Variants in PARN observed in about 807,000 individuals in gnomAD.
PARN encodes the protein poly(A)-specific ribonuclease.
Under a neutral mutation model 102.8 loss-of-function variants are expected in PARN, and 71 were observed. That is an observed-to-expected ratio of 0.69 (90% CI 0.57 to 0.84). The LOEUF (loss-of-function observed/expected upper bound fraction) is 0.84. Ranked by LOEUF, PARN falls within the 40% of genes least tolerant of loss-of-function variation. The pLI, the probability that PARN is intolerant of heterozygous loss-of-function variation, is 0.00. For missense variants in PARN, 782 were observed against 760.9 expected (o/e 1.03, Z -0.33); for synonymous variants, 261 against 252.9 (o/e 1.03, Z -0.30).
At chr16:14,619,842 C>T (rs1233044462) in intron 5 of PARN, among the ~76,000 whole-genome samples, 5 of 151,914 alleles carry the variant, frequency 3.3e-5, no homozygotes, top group Admixed American at 2.6e-4. Flanking sequence ...GAGGCTGAGG[C>T]AGGCGGATCA....
chr16:14,484,304 G>A (rs1487637364), intron 21 of PARN, among the ~76,000 whole-genome samples: 1 of 152,208 alleles, frequency 6.6e-6, no homozygotes, highest in African/African-American at 2.4e-5. Context: ...CGGCATGGGA[G>A]TGAGGATCAA....
At chr16:14,458,121 T>C (rs1025807968) in intron 22 of PARN, among the ~76,000 whole-genome samples, 3 of 152,094 alleles carry the variant, frequency 2.0e-5, no homozygotes, top group Non-Finnish European at 4.4e-5. Flanking sequence ...TTTCAAACAA[T>C]CCCCTATTGT....
rs1450451301 is a variant in PARN, at chr16:14,630,039, G to A, written c.19+68C>T. 6 of 1,406,686 alleles carry A rather than the reference G, an allele frequency of 4.3e-6. No homozygotes were observed. The East Asian group carries it at 7.4e-5, about 17-fold the overall frequency. The allele number at this position is 1,406,686 out of a possible 1,614,324, so 87.1% of individuals were successfully genotyped here. A position where few individuals can be genotyped will look rare whatever the true frequency, so the allele number is the denominator to read the frequency against. Reference sequence around the variant, plus strand: ...AGGCCCAGCCAAACACGCCGGCCATGGTCTCGGCCTAGCAGGCCAGGGGCA... The same window carrying A: ...AGGCCCAGCCAAACACGCCGGCCATAGTCTCGGCCTAGCAGGCCAGGGGCA... On this transcript the variant is annotated intron_variant, in intron 1 of 23. Transcript: ENST00000437198.
chr16:14,569,386 C>T lies in PARN; in HGVS notation c.1262+11488G>A, dbSNP rs560150368. On this transcript the variant is annotated intron_variant, in intron 18 of 23. Coordinates refer to ENST00000437198, the MANE Select transcript of PARN (RefSeq NM_002582.4). ...CCAAACAGCCTTATCAGCGCTGCTG[C>T]CCAACCAGGTGGAGATTATGATCTA... 3.9e-5 allele frequency among the ~76,000 whole-genome samples: 6 copies of T among 152,314 alleles called. No individual in the cohort carries two copies. The South Asian group carries it at 1.0e-3, about 26-fold the overall frequency.
At chr16:14,549,686 T>C (rs931843930) in intron 21 of PARN, among the ~76,000 whole-genome samples, 3 of 152,246 alleles carry the variant, frequency 2.0e-5, no homozygotes, top group African/African-American at 7.2e-5. Context: ...TAAATGCTAC[T>C]AACTCATGTT....
At chr16:14,483,134 C>T (rs961253542) in intron 21 of PARN, among the ~76,000 whole-genome samples, 3 of 152,084 alleles carry the variant, frequency 2.0e-5, no homozygotes, top group Admixed American at 1.3e-4. Flanking sequence ...TATTTGCAGC[C>T]AACATTACTA....
At chr16:14,457,619 G>C (rs1454818125) in intron 22 of PARN, among the ~76,000 whole-genome samples, 1 of 151,748 alleles carries the variant, frequency 6.6e-6, no homozygotes, top group Non-Finnish European at 1.5e-5. Context: ...CCAACATGGT[G>C]AAACCTCGTC....
At chr16:14,494,907 G>T (rs1480465334) in intron 21 of PARN, among the ~76,000 whole-genome samples, 1 of 152,190 alleles carries the variant, frequency 6.6e-6, no homozygotes, top group Admixed American at 6.5e-5. Context: ...ACACAGGAAT[G>T]GGGTAGATGG....
In PARN at chr16:14,615,145, A is replaced by G. The variant is rs997873190; in HGVS notation, c.388+2445T>C. 4.6e-5 allele frequency among the ~76,000 whole-genome samples: 7 copies of G among 152,136 alleles called. No individual in the cohort carries two copies. The East Asian group carries it at 1.3e-3, about 29-fold the overall frequency. On this transcript the variant is annotated intron_variant, in intron 6 of 23. Coordinates refer to ENST00000437198, the MANE Select transcript of PARN (RefSeq NM_002582.4). ...TGAAAATGGAGAGAGATGAGGGTCTAAGTCAGATTTAGAGCATATCAACAA... is the reference window on the plus strand; with the variant it reads ...TGAAAATGGAGAGAGATGAGGGTCTGAGTCAGATTTAGAGCATATCAACAA...
At chr16:14,439,164 G>C (rs1960837943) in intron 23 of PARN, among the ~76,000 whole-genome samples, 1 of 152,058 alleles carries the variant, frequency 6.6e-6, no homozygotes, top group Admixed American at 6.6e-5. Context: ...TTGAGCCCAG[G>C]AGTTTGGGAC....
intron 6 of PARN, among the ~76,000 whole-genome samples, chr16:14,616,685 G>A (rs1206716273): frequency 3.3e-5 from 5 of 152,004 alleles, no homozygotes; most frequent in Non-Finnish European, 7.4e-5. Context: ...TCAAGGCTCC[G>A]GTGAGCTATG....
chr16:14,496,851 T>G (rs1964341617), intron 21 of PARN, among the ~76,000 whole-genome samples: 1 of 152,218 alleles, frequency 6.6e-6, no homozygotes, highest in Admixed American at 6.5e-5. Flanking sequence ...AATACATTAT[T>G]CTATATCCTA....
intron 21 of PARN, among the ~76,000 whole-genome samples, chr16:14,488,725 T>C (rs1730294840): frequency 6.6e-6 from 1 of 152,180 alleles, no homozygotes; most frequent in Non-Finnish European, 1.5e-5. Context: ...ATACAACTAT[T>C]GGGAAGGTGT....
intron 22 of PARN, among the ~76,000 whole-genome samples, chr16:14,450,547 C>T (rs932263933): frequency 9.2e-5 from 14 of 151,778 alleles, no homozygotes; most frequent in East Asian, 7.7e-4. Context: ...TATATATATA[C>T]GTATATTTAT....
intron 22 of PARN, among the ~76,000 whole-genome samples, chr16:14,449,499 T>A (rs1387933693): frequency 2.6e-5 from 4 of 152,212 alleles, no homozygotes; most frequent in African/African-American, 9.6e-5. Context: ...AATAAAGGAT[T>A]TATGAATGTG....
chr16:14,569,107 G>A (rs1314520575), intron 18 of PARN, among the ~76,000 whole-genome samples: 1 of 151,548 alleles, frequency 6.6e-6, no homozygotes, highest in Non-Finnish European at 1.5e-5. Flanking sequence ...AGCTACTCAG[G>A]AGGCTGAGGC....
chr16:14,531,602 C>T (rs180716476), intron 21 of PARN, among the ~76,000 whole-genome samples: 26 of 152,284 alleles, frequency 1.7e-4, no homozygotes, highest in African/African-American at 6.3e-4. Flanking sequence ...CAAAGACTAA[C>T]CTTCTACCAT....
intron 8 of PARN, 74 bp from the exon 9 acceptor site, chr16:14,608,393 G>T: frequency 1.0e-6 from 1 of 959,408 alleles, no homozygotes; most frequent in South Asian, 1.5e-5. Context: ...CATTTGTTGA[G>T]AAGGATTTCG....
Position 14,593,386 on chromosome 16 carries a change from A to C in PARN, c.841-8T>G, listed in dbSNP as rs771441056. The C allele has an allele frequency of 1.3e-6, 2 of 1,538,606 alleles. No homozygotes were observed. The highest frequency in any genetic ancestry group is 9.0e-7 in the Non-Finnish European group (1 of 1,112,434). ...TCCAATAACAAGTTTTCCCTAAAGAAAGTCAAGGTTAGAAAAAAGACTTCT... is the reference window on the plus strand; with the variant it reads ...TCCAATAACAAGTTTTCCCTAAAGACAGTCAAGGTTAGAAAAAAGACTTCT... On this transcript the variant is annotated splice_region_variant and splice_polypyrimidine_tract_variant and intron_variant, in intron 12 of 23. Transcript: ENST00000437198.
Sources: gnomAD v4.1 joint callset for allele counts (sites outside exome capture counted in the v4.1 genomes callset) on GRCh38, gnomAD v4.1.1 for gene constraint, MANE v1.5 for transcripts, NCBI Gene and HGNC (gene_info 2026-07-23, HGNC 2026-07-21) for gene names.